Variants in SIMC1 observed in about 807,000 individuals in gnomAD.
SIMC1 encodes the protein SUMO-interacting motif-containing protein 1.
Under a neutral mutation model 82.3 loss-of-function variants are expected in SIMC1, and 55 were observed. The ratio of observed to expected loss-of-function variants is 0.67; its 90% confidence interval spans 0.54 to 0.84. The LOEUF (loss-of-function observed/expected upper bound fraction) is 0.84, where lower values mean the gene tolerates loss of function less well. Ranked by LOEUF, SIMC1 falls within the 40% of genes least tolerant of loss-of-function variation. The pLI is 0.00. For missense variants in SIMC1, 915 were observed against 1,107.2 expected (o/e 0.83, Z 2.46); for synonymous variants, 353 against 426.3 (o/e 0.83, Z 2.12).
chr5:176,333,745 AAT>A (rs2113401362), intron 7 of SIMC1, among the ~76,000 whole-genome samples: 1 of 151,996 alleles, frequency 6.6e-6, no homozygotes, highest in Admixed American at 6.6e-5. Context: ...ACAGATTTTT[AAT>A]ATTTTTTTTT....
intron 4 of SIMC1, among the ~76,000 whole-genome samples, chr5:176,312,712 A>C (rs921677992): frequency 1.3e-5 from 2 of 152,216 alleles, no homozygotes; most frequent in Admixed American, 6.5e-5. Context: ...TTAGTTTCCT[A>C]CTGACTGAAT....
At chr5:176,334,921 T>A (rs1765817407) in intron 7 of SIMC1, among the ~76,000 whole-genome samples, 2 of 151,794 alleles carry the variant, frequency 1.3e-5, no homozygotes, top group Non-Finnish European at 2.9e-5. Flanking sequence ...GTGAAACATG[T>A]CTCTACTAAA....
intron 3 of SIMC1, among the ~76,000 whole-genome samples, chr5:176,295,873 C>T (rs928463107): frequency 1.1e-4 from 17 of 152,164 alleles, no homozygotes; most frequent in African/African-American, 3.9e-4. Flanking sequence ...ATTTAATTGG[C>T]CTAATGAGAG....
At chr5:176,271,231 G>A (rs1167740826) in intron 1 of SIMC1, among the ~76,000 whole-genome samples, 1 of 152,084 alleles carries the variant, frequency 6.6e-6, no homozygotes, top group Non-Finnish European at 1.5e-5. Context: ...ATGGTGGCAG[G>A]CACCTGTAAT....
At chr5:176,305,656 G>A (rs1764310889) in intron 4 of SIMC1, among the ~76,000 whole-genome samples, 1 of 126,068 alleles carries the variant, frequency 7.9e-6, no homozygotes, top group Non-Finnish European at 1.7e-5. Flanking sequence ...GCCCCTACTG[G>A]GAAGTGAGGA....
chr5:176,331,862 A>G (rs949462776), intron 7 of SIMC1, among the ~76,000 whole-genome samples: 1 of 151,652 alleles, frequency 6.6e-6, no homozygotes, highest in Non-Finnish European at 1.5e-5. Context: ...TCAGCTACTC[A>G]GGAGGCTGAG....
At chr5:176,313,339 T>C in intron 4 of SIMC1, 1 of 1,486,918 alleles carries the variant, frequency 6.7e-7, no homozygotes, top group South Asian at 1.4e-5. Flanking sequence ...CATGGCTGCC[T>C]CTTAAATCAA....
intron 4 of SIMC1, among the ~76,000 whole-genome samples, chr5:176,305,740 C>T (rs1274151276): frequency 2.8e-5 from 2 of 72,556 alleles, no homozygotes; most frequent in African/African-American, 5.6e-5. Context: ...CCAGCCGCCC[C>T]GTCCGGGAGG....
chr5:176,279,108 A>G (rs1201228981), intron 1 of SIMC1, among the ~76,000 whole-genome samples: 1 of 152,032 alleles, frequency 6.6e-6, no homozygotes, highest in Non-Finnish European at 1.5e-5. Context: ...TAAGCTATTG[A>G]TTGTTGCCAC....
At chr5:176,256,027 GA>G (rs1277366398) in intron 1 of SIMC1, among the ~76,000 whole-genome samples, 1 of 152,132 alleles carries the variant, frequency 6.6e-6, no homozygotes, top group East Asian at 1.9e-4. Flanking sequence ...TAACTACTGA[GA>G]TATGAATCTG....
At position 176,283,567 on chromosome 5, in the gene SIMC1, A is replaced by G. The variant is rs141503891; in HGVS notation, c.130-6087A>G. Among the ~76,000 whole-genome samples the G allele has an allele frequency of 2.9e-3, 435 of 152,322 alleles. 1 individual carries two copies. The highest frequency in any genetic ancestry group is 0.01 in the Middle Eastern group (3 of 294). ...AAGAACCGTTAGCAGCCACTGCAAA[A>G]CCATGCCAAATTGTAAAGACCATTG... On this transcript the variant is annotated intron_variant, in intron 1 of 9. Transcript: ENST00000429602.
At chr5:176,330,032 G>A (rs1765570909) in intron 7 of SIMC1, among the ~76,000 whole-genome samples, 1 of 152,054 alleles carries the variant, frequency 6.6e-6, no homozygotes, top group African/African-American at 2.4e-5. Flanking sequence ...GAGAGAGCAT[G>A]GAAGCAATTA....
chr5:176,265,504 C>T (rs1762171014), intron 1 of SIMC1, among the ~76,000 whole-genome samples: 1 of 152,160 alleles, frequency 6.6e-6, no homozygotes, highest in African/African-American at 2.4e-5. Context: ...AAATCCAAAG[C>T]CCCAAAAGAA....
chr5:176,299,136 G>C (rs913617392), intron 4 of SIMC1, among the ~76,000 whole-genome samples: 1 of 152,224 alleles, frequency 6.6e-6, no homozygotes, highest in Admixed American at 6.5e-5. Flanking sequence ...GCTCACGCCT[G>C]TAATTCCAGC....
rs190316663 is a variant in SIMC1, at chr5:176,265,739, G to C, written c.130-23915G>C. Among the ~76,000 whole-genome samples, 57 of 152,258 alleles carry C rather than the reference G, an allele frequency of 3.7e-4. 1 individual carries two copies. The Middle Eastern group carries it at 0.014, about 36-fold the overall frequency. On this transcript the variant is annotated intron_variant, in intron 1 of 9. Transcript: ENST00000429602. ...TTTGTTATCTGTGAAAGTTTAATTG[G>C]AGCAATATGTGATGGAAATGCAAAT... is the stretch of plus-strand genomic sequence containing the variant.
At chr5:176,259,966 A>G (rs1561675352) in intron 1 of SIMC1, among the ~76,000 whole-genome samples, 5 of 150,326 alleles carry the variant, frequency 3.3e-5, no homozygotes, top group African/African-American at 1.2e-4. Context: ...AAATTACTTA[A>G]TATATTATAG....
At chr5:176,321,272 G>A (rs556244694) in intron 5 of SIMC1, among the ~76,000 whole-genome samples, 54 of 151,818 alleles carry the variant, frequency 3.6e-4, no homozygotes, top group African/African-American at 1.3e-3. Context: ...TGTCCATATT[G>A]TTGCCTGTCA....
intron 1 of SIMC1, among the ~76,000 whole-genome samples, chr5:176,251,031 T>C (rs1046555986): frequency 5.9e-5 from 9 of 152,232 alleles, no homozygotes; most frequent in Non-Finnish European, 1.2e-4. Context: ...GCCCATTAGT[T>C]GATGCAGTTT....
chr5:176,322,652 C>T (rs766597490), intron 6 of SIMC1: 23 of 494,364 alleles, frequency 4.7e-5, no homozygotes, highest in Admixed American at 1.0e-4. Context: ...AAAGTGAATA[C>T]GAAGTCACAA....
Sources: allele counts gnomAD v4.1 joint callset (sites outside exome capture counted in the v4.1 genomes callset), GRCh38; gene constraint gnomAD v4.1.1; transcripts MANE v1.5; gene names NCBI Gene and HGNC (gene_info 2026-07-23, HGNC 2026-07-21).